ME1: variants seen among roughly 807,000 people sequenced by gnomAD.
ME1 encodes the protein NADP-dependent malic enzyme.
In ME1, 74 loss-of-function variants were observed where a neutral mutation model predicts 66.4. The ratio of observed to expected loss-of-function variants is 1.11; its 90% CI spans 0.92 to 1.35. The LOEUF (loss-of-function observed/expected upper bound fraction) is 1.35, where lower values mean the gene tolerates loss of function less well. Among genes scored for constraint, ME1 ranks in the 40% most tolerant of loss-of-function variants. The probability of loss-of-function intolerance (pLI) is 0.00; values close to 1 mark genes in which losing one functional copy is unlikely to be tolerated. For missense variants in ME1, 750 were observed against 694.1 expected (o/e 1.08, Z -0.90); for synonymous variants, 251 against 235.6 (o/e 1.07, Z -0.60).
chr6:83,243,644 C>T (rs13211107), intron 7 of ME1, among the ~76,000 whole-genome samples: 38,188 of 93,068 alleles, frequency 0.41, 9,468 homozygotes, highest in African/African-American at 0.61. Context: ...TACATTATAT[C>T]GATATAATCT....
At chr6:83,274,895 A>G (rs529892276) in intron 6 of ME1, among the ~76,000 whole-genome samples, 1 of 152,330 alleles carries the variant, frequency 6.6e-6, no homozygotes, top group Admixed American at 6.5e-5. Flanking sequence ...ATAAACTCCC[A>G]GTGATATTTT....
chr6:83,213,851 T>G (rs1160431947), intron 13 of ME1, among the ~76,000 whole-genome samples: 1 of 152,132 alleles, frequency 6.6e-6, no homozygotes, highest in Admixed American at 6.5e-5. Context: ...AATATGTATA[T>G]TTCATAATTA....
At chr6:83,280,516 G>A (rs1452664598) in intron 6 of ME1, among the ~76,000 whole-genome samples, 3 of 152,140 alleles carry the variant, frequency 2.0e-5, no homozygotes, top group South Asian at 4.1e-4. Context: ...GAGAGAAAAC[G>A]AACTTAGGGT....
chr6:83,310,312 G>A (rs554157404), intron 6 of ME1, among the ~76,000 whole-genome samples: 5 of 152,234 alleles, frequency 3.3e-5, no homozygotes, highest in South Asian at 2.1e-4. Context: ...AAAAGCCACT[G>A]TAGCTTCAGA....
intron 3 of ME1, among the ~76,000 whole-genome samples, chr6:83,362,548 A>G (rs1769024531): frequency 6.6e-6 from 1 of 152,202 alleles, no homozygotes; most frequent in Non-Finnish European, 1.5e-5. Flanking sequence ...TCCGCTCACC[A>G]AGGCTGACCT....
At chr6:83,423,162 C>T (rs1008245890) in intron 1 of ME1, among the ~76,000 whole-genome samples, 1 of 147,544 alleles carries the variant, frequency 6.8e-6, no homozygotes, top group African/African-American at 2.5e-5. Context: ...GATTTCTCAT[C>T]AGGAAAAAGA....
chr6:83,243,815 AT>A, intron 7 of ME1, among the ~76,000 whole-genome samples: 1 of 134,182 alleles, frequency 7.5e-6, no homozygotes, highest in African/African-American at 2.8e-5. Flanking sequence ...TATATATTAT[AT>A]TTATATAATA....
intron 6 of ME1, among the ~76,000 whole-genome samples, chr6:83,263,963 A>C (rs2128530010): frequency 6.6e-6 from 1 of 152,308 alleles, no homozygotes; most frequent in African/African-American, 2.4e-5. Context: ...GAGACAAAAT[A>C]GCCTTCTGTA....
chr6:83,343,544 T>C (rs1768629669), intron 5 of ME1, among the ~76,000 whole-genome samples: 1 of 152,202 alleles, frequency 6.6e-6, no homozygotes, highest in East Asian at 1.9e-4. Flanking sequence ...TAACAGTAGA[T>C]TCATTTAGAT....
chr6:83,284,245 C>A (rs1261111463), intron 6 of ME1, among the ~76,000 whole-genome samples: 1 of 151,944 alleles, frequency 6.6e-6, no homozygotes, highest in Admixed American at 6.6e-5. Flanking sequence ...GTAATAAAAA[C>A]CCTACCAACC....
intron 3 of ME1, among the ~76,000 whole-genome samples, chr6:83,362,743 G>C (rs773841090): frequency 5.3e-5 from 8 of 152,220 alleles, no homozygotes; most frequent in Non-Finnish European, 8.8e-5. Flanking sequence ...CTTTGGATAT[G>C]AGTTTGCCTA....
At chr6:83,359,403 A>G (rs1369418402) in intron 3 of ME1, among the ~76,000 whole-genome samples, 7 of 152,166 alleles carry the variant, frequency 4.6e-5, no homozygotes, top group Non-Finnish European at 1.0e-4. Context: ...AGAAATCTGG[A>G]GAACAGGCAT....
intron 3 of ME1, among the ~76,000 whole-genome samples, chr6:83,359,347 C>T (rs1008893839): frequency 3.3e-5 from 5 of 152,010 alleles, no homozygotes; most frequent in African/African-American, 1.2e-4. Context: ...TGAGGAGGTG[C>T]GTTATGCTTG....
intron 3 of ME1, among the ~76,000 whole-genome samples, chr6:83,397,212 A>G (rs1225880399): frequency 6.6e-6 from 1 of 152,218 alleles, no homozygotes; most frequent in Admixed American, 6.5e-5. Flanking sequence ...AGGAGAGAAT[A>G]TCTGTGAACC....
At chr6:83,236,314 TC>T (rs1163777092) in intron 9 of ME1, among the ~76,000 whole-genome samples, 2 of 152,178 alleles carry the variant, frequency 1.3e-5, no homozygotes, top group African/African-American at 4.8e-5. Flanking sequence ...CATCTCTATC[TC>T]CATGAGATAG....
chr6:83,299,426 C>T (rs749442519), intron 6 of ME1, among the ~76,000 whole-genome samples: 1 of 151,944 alleles, frequency 6.6e-6, no homozygotes, highest in African/African-American at 2.4e-5. Flanking sequence ...TATAGGAATG[C>T]TTGTGAATTT....
intron 3 of ME1, among the ~76,000 whole-genome samples, chr6:83,372,514 C>T (rs1008733265): frequency 6.6e-6 from 1 of 152,194 alleles, no homozygotes; most frequent in Admixed American, 6.5e-5. Flanking sequence ...TCCCTAGCTG[C>T]TTTAATACTA....
At chr6:83,374,847 T>C (rs1048884123) in intron 3 of ME1, among the ~76,000 whole-genome samples, 1 of 152,210 alleles carries the variant, frequency 6.6e-6, no homozygotes, top group Non-Finnish European at 1.5e-5. Context: ...ATTTATTAAA[T>C]AGGAATTCCT....
At chr6:83,326,588 C>A (rs1048422287) in intron 5 of ME1, among the ~76,000 whole-genome samples, 11 of 152,046 alleles carry the variant, frequency 7.2e-5, no homozygotes, top group African/African-American at 2.4e-4. Context: ...TATGAACAGA[C>A]ATTTTCAAAA....
Sources: allele counts gnomAD v4.1 joint callset (sites outside exome capture counted in the v4.1 genomes callset), GRCh38; gene constraint gnomAD v4.1.1; transcripts MANE v1.5; gene names NCBI Gene and HGNC (gene_info 2026-07-23, HGNC 2026-07-21).